SEMA5A: variants seen among roughly 807,000 people sequenced by gnomAD.
The protein encoded by SEMA5A is semaphorin-5A.
SEMA5A carries 55 observed loss-of-function variants against 135.5 expected under a neutral mutation model. The observed-to-expected ratio is 0.41, with a 90% CI of 0.33 to 0.51. The LOEUF (loss-of-function observed/expected upper bound fraction) is 0.51. Ranked by LOEUF, SEMA5A falls within the 20% of genes least tolerant of loss-of-function variation. The pLI is 0.37. For synonymous variants in SEMA5A, 580 were observed against 546.5 expected, an observed-to-expected ratio of 1.06 and a Z score of -0.85; for missense variants, 1,290 against 1,419.9, an observed-to-expected ratio of 0.91 and a Z score of 1.47.
chr5:9,249,595 G>C (rs1346850317), intron 5 of SEMA5A, among the ~76,000 whole-genome samples: 2 of 152,132 alleles, frequency 1.3e-5, no homozygotes, highest in Admixed American at 6.6e-5. Context: ...ATTTAGAAGA[G>C]TAGAGGGAAA....
At chr5:9,220,957 C>G (rs1262624928) in intron 8 of SEMA5A, among the ~76,000 whole-genome samples, 1 of 152,112 alleles carries the variant, frequency 6.6e-6, no homozygotes, top group African/African-American at 2.4e-5. Flanking sequence ...ACAAAGTCAG[C>G]CAATAATGGA....
At chr5:9,220,999 ACTC>A (rs1746919359) in intron 8 of SEMA5A, among the ~76,000 whole-genome samples, 1 of 151,936 alleles carries the variant, frequency 6.6e-6, no homozygotes, top group African/African-American at 2.4e-5. Context: ...CTTACCCTCC[ACTC>A]CTCCTGTTTC....
chr5:9,295,367 C>A (rs1751285172), intron 5 of SEMA5A, among the ~76,000 whole-genome samples: 1 of 152,278 alleles, frequency 6.6e-6, no homozygotes, highest in South Asian at 2.1e-4. Flanking sequence ...TTAAACTCCC[C>A]TTTGTGAGTT....
chr5:9,403,086 A>G (rs10214283), intron 2 of SEMA5A, among the ~76,000 whole-genome samples: 8,174 of 152,178 alleles, frequency 0.054, 322 homozygotes, highest in African/African-American at 0.11. Flanking sequence ...ACAATTTTCT[A>G]TCTTCTCCCA....
intron 16 of SEMA5A, among the ~76,000 whole-genome samples, chr5:9,084,113 G>A (rs1323840733): frequency 1.3e-5 from 2 of 152,128 alleles, no homozygotes; most frequent in African/African-American, 4.8e-5. Context: ...AGACCTACTA[G>A]TCAAAAATAG....
Position 9,389,741 on chromosome 5 carries a change from C to T in SEMA5A, c.-77-9718G>A, listed in dbSNP as rs186267926. Among the ~76,000 whole-genome samples the T allele has an allele frequency of 1.9e-4, 29 of 152,298 alleles. No individual in the cohort carries two copies. In the East Asian group the frequency reaches 5.6e-3, roughly 29 times the overall value. ...TTGTTGTTGTTGTTGAGTTTCCTTG[C>T]TGCTAATCCCAACCCTTAAGCATCA... On this transcript the variant is annotated intron_variant, in intron 2 of 22. Coordinates refer to ENST00000382496, the MANE Select transcript of SEMA5A (RefSeq NM_003966.3).
intron 17 of SEMA5A, 92 bp from the exon 18 acceptor site, chr5:9,063,197 T>G (rs1579325421): frequency 1.6e-6 from 2 of 1,271,912 alleles, no homozygotes; most frequent in African/African-American, 1.5e-5. Flanking sequence ...GCTGTCTGCC[T>G]TATTTCTAGA....
intron 5 of SEMA5A, among the ~76,000 whole-genome samples, chr5:9,244,637 C>T (rs1748388161): frequency 6.6e-6 from 1 of 152,228 alleles, no homozygotes; most frequent in Admixed American, 6.5e-5. Flanking sequence ...GTATCTGCAG[C>T]ACCTAGGACA....
intron 10 of SEMA5A, among the ~76,000 whole-genome samples, chr5:9,191,649 C>T (rs1353563035): frequency 6.6e-6 from 1 of 152,158 alleles, no homozygotes; most frequent in East Asian, 1.9e-4. Context: ...ATTTGTATAG[C>T]ATTTGATAAA....
At chr5:9,220,604 G>A (rs1746888916) in intron 8 of SEMA5A, among the ~76,000 whole-genome samples, 1 of 152,246 alleles carries the variant, frequency 6.6e-6, no homozygotes, top group Admixed American at 6.5e-5. Context: ...CGTGTGGAAT[G>A]AGAAGAGTGG....
intron 3 of SEMA5A, among the ~76,000 whole-genome samples, chr5:9,370,363 C>T (rs1755086451): frequency 1.3e-5 from 2 of 152,142 alleles, no homozygotes; most frequent in Non-Finnish European, 2.9e-5. Flanking sequence ...AGTGTTACCC[C>T]GACTTTTTAC....
rs1741439154 is a variant in SEMA5A, at chr5:9,131,655, AAAAC to A, written c.1599+4845_1599+4848del. On this transcript the variant is annotated intron_variant, in intron 13 of 22. Transcript: ENST00000382496. ...AAAAAAAAAAAAAAAAAAAAAAAAA[AAAAC>A]CTGTCATGTGAGCAATAGAGCAAGA... 1.3e-4 allele frequency among the ~76,000 whole-genome samples: 6 copies of A among 47,798 alleles called. 2 individuals are homozygous for A. The highest frequency in any genetic ancestry group is 3.8e-4 in the African/African-American group (6 of 15,832). The allele number at this position is 47,798 out of a possible 152,430, so 31.4% of individuals were successfully genotyped here.
At chr5:9,086,574 A>G (rs1240214436) in intron 16 of SEMA5A, among the ~76,000 whole-genome samples, 1 of 152,038 alleles carries the variant, frequency 6.6e-6, no homozygotes, top group African/African-American at 2.4e-5. Flanking sequence ...AGTCCAATAA[A>G]CCTCTTTCTT....
chr5:9,051,066 T>C (rs1237591136), intron 20 of SEMA5A, among the ~76,000 whole-genome samples: 1 of 152,244 alleles, frequency 6.6e-6, no homozygotes. Flanking sequence ...ACTGATTTTT[T>C]GTTAGACAAC....
intron 7 of SEMA5A, among the ~76,000 whole-genome samples, chr5:9,226,031 G>A (rs1300146190): frequency 2.6e-5 from 4 of 152,142 alleles, no homozygotes; most frequent in Non-Finnish European, 5.9e-5. Context: ...AGATGTTGAG[G>A]ACTGAACCAT....
chr5:9,476,498 T>C (rs888256838), intron 1 of SEMA5A, among the ~76,000 whole-genome samples: 1 of 152,162 alleles, frequency 6.6e-6, no homozygotes, highest in African/African-American at 2.4e-5. Flanking sequence ...AGGAGACTGA[T>C]GCCTCCATGC....
chr5:9,308,622 G>A (rs879845779), intron 5 of SEMA5A, among the ~76,000 whole-genome samples: 6 of 152,030 alleles, frequency 3.9e-5, no homozygotes, highest in South Asian at 2.1e-4. Flanking sequence ...AAAAATTAAC[G>A]GTTATATTCA....
At chr5:9,181,592 G>A (rs1165524825) in intron 11 of SEMA5A, among the ~76,000 whole-genome samples, 1 of 152,018 alleles carries the variant, frequency 6.6e-6, no homozygotes, top group Non-Finnish European at 1.5e-5. Context: ...GCCTAACTCA[G>A]CCCCTCAGCC....
intron 1 of SEMA5A, among the ~76,000 whole-genome samples, chr5:9,482,703 A>G (rs2126782181): frequency 6.6e-6 from 1 of 152,354 alleles, no homozygotes; most frequent in South Asian, 2.1e-4. Context: ...ACAGGGAGAC[A>G]CGCACACAAT....
Sources: gnomAD v4.1 joint callset for allele counts (sites outside exome capture counted in the v4.1 genomes callset) on GRCh38, gnomAD v4.1.1 for gene constraint, MANE v1.5 for transcripts, NCBI Gene and HGNC (gene_info 2026-07-23, HGNC 2026-07-21) for gene names.